DAPL1: variants seen among roughly 807,000 people sequenced by gnomAD.
DAPL1 encodes the protein death-associated protein-like 1.
DAPL1 carries 17 observed loss-of-function variants against 12.9 expected under a neutral mutation model. That is an observed-to-expected ratio of 1.32 (90% confidence interval 0.90 to 1.98). The LOEUF (loss-of-function observed/expected upper bound fraction) is 1.98. DAPL1 is among the 30% of genes most tolerant of loss of function. DAPL1 has a pLI of 0.00. For missense variants in DAPL1, 157 were observed against 125.7 expected, an observed-to-expected ratio of 1.25 and a Z score of -1.19; for synonymous variants, 51 against 42.0, an observed-to-expected ratio of 1.21 and a Z score of -0.82.
chr2:158,796,360 A>C (rs1209487851), intron 1 of DAPL1, among the ~76,000 whole-genome samples: 1 of 152,200 alleles, frequency 6.6e-6, no homozygotes, highest in Non-Finnish European at 1.5e-5. Context: ...CTTCACAGAG[A>C]GTCAAAATGT....
chr2:158,802,348 A>G (rs934707528), intron 1 of DAPL1, among the ~76,000 whole-genome samples: 3 of 152,240 alleles, frequency 2.0e-5, no homozygotes, highest in Non-Finnish European at 4.4e-5. Flanking sequence ...GAGTGACATC[A>G]TTTGAAAATC....
intron 1 of DAPL1, among the ~76,000 whole-genome samples, chr2:158,800,659 C>T (rs1319320416): frequency 6.6e-6 from 1 of 152,138 alleles, no homozygotes; most frequent in Non-Finnish European, 1.5e-5. Context: ...TCATGACAGC[C>T]CTTCAGATCT....
At position 158,809,594 on chromosome 2, in the gene DAPL1, C is replaced by T. The variant is rs565566895; in HGVS notation, c.207+2479C>T. On this transcript the variant is annotated intron_variant, in intron 3 of 3. Coordinates refer to ENST00000309950, the MANE Select transcript of DAPL1 (RefSeq NM_001017920.3). The stretch of plus-strand genomic sequence containing the variant: ...CTTTTTTGTGCTCCTCTTTCCTTAT[C>T]TGTAAATGGGAGTGTGAGTACCAGT... Among the ~76,000 whole-genome samples the T allele has an allele frequency of 9.2e-5, 14 of 152,182 alleles. No individual in the cohort carries two copies. In the South Asian group the frequency reaches 2.7e-3, roughly 29 times the overall value.
intron 3 of DAPL1, among the ~76,000 whole-genome samples, chr2:158,807,364 G>A (rs1217066195): frequency 6.6e-6 from 1 of 152,204 alleles, no homozygotes; most frequent in Non-Finnish European, 1.5e-5. Context: ...GAATCATGAT[G>A]GTGAGTTTGC....
At chr2:158,808,929 T>C (rs1259609491) in intron 3 of DAPL1, among the ~76,000 whole-genome samples, 1 of 152,234 alleles carries the variant, frequency 6.6e-6, no homozygotes, top group Admixed American at 6.5e-5. Flanking sequence ...ACATGTGATA[T>C]GCTTATGTCT....
chr2:158,815,742 A>T lies in DAPL1; in HGVS notation c.245A>T (p.His82Leu). The T allele has an allele frequency of 6.2e-7, 1 of 1,614,052 alleles. No homozygotes were observed. Among genetic ancestry groups the T allele is most frequent in the Non-Finnish European group, 8.5e-7 (1 of 1,179,934 alleles). Residue 82 changes from histidine to leucine, a missense_variant, in exon 4 of 4, where the codon CAT becomes CTT. Coordinates refer to ENST00000309950, the MANE Select transcript of DAPL1 (RefSeq NM_001017920.3). ...YKFPATVHMA[H>L]QKPTPALEKV... Reference sequence around the variant, plus strand: ...TTTCCAGCAACAGTGCACATGGCGCATCAAAAACCCACACCTGCTCTGGAA... The same window carrying T: ...TTTCCAGCAACAGTGCACATGGCGCTTCAAAAACCCACACCTGCTCTGGAA...
chr2:158,796,337 T>C (rs1029190896), intron 1 of DAPL1, among the ~76,000 whole-genome samples: 3 of 152,172 alleles, frequency 2.0e-5, no homozygotes, highest in African/African-American at 7.2e-5. Context: ...CAGAGGGTGA[T>C]GGCGGGTATT....
At chr2:158,815,164 G>A (rs182023901) in intron 3 of DAPL1, among the ~76,000 whole-genome samples, 1 of 152,304 alleles carries the variant, frequency 6.6e-6, no homozygotes, top group East Asian at 1.9e-4. Flanking sequence ...CCATCCCTCA[G>A]CCTTCTCTTC....
chr2:158,797,804 A>G lies in DAPL1; in HGVS notation c.58+2374A>G, dbSNP rs752736158. ...GAGACCCCGTCTGAAAAAAAAAAAAATCACTTAGAAGTCAGCCTGCTGCAT... is the reference window on the plus strand; with the variant it reads ...GAGACCCCGTCTGAAAAAAAAAAAAGTCACTTAGAAGTCAGCCTGCTGCAT... On this transcript the variant is annotated intron_variant, in intron 1 of 3. Coordinates refer to ENST00000309950, the MANE Select transcript of DAPL1 (RefSeq NM_001017920.3). Among the ~76,000 whole-genome samples, 1,151 of 150,998 alleles carry G rather than the reference A, an allele frequency of 7.6e-3. 10 individuals carry two copies. The highest frequency in any genetic ancestry group is 0.012 in the Non-Finnish European group (795 of 67,460).
intron 3 of DAPL1, among the ~76,000 whole-genome samples, chr2:158,809,567 C>T (rs73966749): frequency 0.026 from 3,998 of 152,084 alleles, 198 homozygotes; most frequent in African/African-American, 0.091. Flanking sequence ...CAGGTTTCTT[C>T]ACTTTTTTGT....
At chr2:158,809,319 C>CT (rs1367918752) in intron 3 of DAPL1, among the ~76,000 whole-genome samples, 2 of 122,252 alleles carry the variant, frequency 1.6e-5, no homozygotes, top group Non-Finnish European at 3.2e-5. Context: ...GATCACGCCA[C>CT]TGCACTCCAG....
intron 3 of DAPL1, among the ~76,000 whole-genome samples, chr2:158,812,293 T>G (rs1466421560): frequency 2.6e-5 from 4 of 152,200 alleles, no homozygotes; most frequent in Non-Finnish European, 5.9e-5. Context: ...AGATGGCCAT[T>G]GGGCCACAGG....
At chr2:158,811,855 C>T (rs981414931) in intron 3 of DAPL1, among the ~76,000 whole-genome samples, 8 of 152,200 alleles carry the variant, frequency 5.3e-5, no homozygotes, top group Non-Finnish European at 1.0e-4. Context: ...TAAAACACAG[C>T]TGGCTGTAGC....
chr2:158,804,249 C>T (rs201117587), intron 1 of DAPL1, 33 bp from the exon 2 acceptor site: 1 of 1,486,716 alleles, frequency 6.7e-7, no homozygotes, highest in South Asian at 1.2e-5. Context: ...TCTCACTGTT[C>T]TAACTTCCAT....
intron 3 of DAPL1, among the ~76,000 whole-genome samples, chr2:158,809,079 G>A (rs2059216638): frequency 6.6e-6 from 1 of 152,112 alleles, no homozygotes; most frequent in Admixed American, 6.5e-5. Flanking sequence ...ATTTTTAACA[G>A]GCCAGGCACG....
chr2:158,814,665 CAT>C (rs1256464509), intron 3 of DAPL1, among the ~76,000 whole-genome samples: 10 of 152,216 alleles, frequency 6.6e-5, no homozygotes, highest in Non-Finnish European at 1.5e-4. Flanking sequence ...ATGTAAGGCA[CAT>C]ATGTTTTCCC....
chr2:158,797,962 T>C (rs1575223598), intron 1 of DAPL1, among the ~76,000 whole-genome samples: 1 of 152,202 alleles, frequency 6.6e-6, no homozygotes, highest in South Asian at 2.1e-4. Flanking sequence ...CAAGGTGGCC[T>C]GGGCTCCAGT....
intron 1 of DAPL1, among the ~76,000 whole-genome samples, chr2:158,796,368 T>C (rs1189005402): frequency 6.6e-6 from 1 of 152,204 alleles, no homozygotes; most frequent in Non-Finnish European, 1.5e-5. Flanking sequence ...AGAGTCAAAA[T>C]GTAACATTGT....
intron 2 of DAPL1, among the ~76,000 whole-genome samples, chr2:158,805,405 A>T (rs551550915): frequency 6.6e-6 from 1 of 152,308 alleles, no homozygotes; most frequent in South Asian, 2.1e-4. Flanking sequence ...AGTGGAGGTC[A>T]CACGTTATTT....
Sources: gnomAD v4.1 joint callset for allele counts (sites outside exome capture counted in the v4.1 genomes callset) on GRCh38, gnomAD v4.1.1 for gene constraint, MANE v1.5 for transcripts, NCBI Gene and HGNC (gene_info 2026-07-23, HGNC 2026-07-21) for gene names.